The following ERBB4 variants were observed in gnomAD, a reference collection of about 807,000 sequenced individuals.
The protein encoded by ERBB4 is erb-b2 receptor tyrosine kinase 4.
A neutral mutation model predicts 158.0 loss-of-function variants in ERBB4; 42 were observed. The observed-to-expected ratio is 0.27, with a 90% confidence interval of 0.21 to 0.34. The LOEUF is 0.34. Among genes scored for constraint, ERBB4 ranks in the 10% least tolerant of loss-of-function variants. ERBB4 has a pLI of 1.00. For missense variants in ERBB4, 1,333 were observed against 1,624.1 expected, an observed-to-expected ratio of 0.82 and a Z score of 3.08; for synonymous variants, 583 against 558.7, an observed-to-expected ratio of 1.04 and a Z score of -0.61.
At position 211,458,908 on chromosome 2, in the gene ERBB4, A is replaced by G. The variant is rs552926949; in HGVS notation, c.2488-27808T>C. On this transcript the variant is annotated intron_variant, in intron 20 of 27. Coordinates refer to ENST00000342788, the MANE Select transcript of ERBB4 (RefSeq NM_005235.3). ...TGCAGCTCTTTAAGAAAGGTGTAAA[A>G]AAATGGTATTGATTCAACCAAATGC... is the stretch of plus-strand genomic sequence containing the variant. Among the ~76,000 whole-genome samples, 647 of 152,322 alleles carry G rather than the reference A, an allele frequency of 4.2e-3. 2 individuals carry two copies. The highest frequency in any genetic ancestry group is 0.014 in the African/African-American group (599 of 41,564).
chr2:211,898,413 C>T (rs1490540908), intron 3 of ERBB4, among the ~76,000 whole-genome samples: 1 of 152,046 alleles, frequency 6.6e-6, no homozygotes, highest in East Asian at 1.9e-4. Flanking sequence ...GAGTTCATTT[C>T]CACAAATGAT....
intron 2 of ERBB4, among the ~76,000 whole-genome samples, chr2:212,099,902 T>G (rs1480715774): frequency 6.6e-6 from 1 of 151,812 alleles, no homozygotes; most frequent in Non-Finnish European, 1.5e-5. Context: ...GCATACTAAT[T>G]CCATTTTAAA....
chr2:212,193,280 C>A (rs1247103931), intron 1 of ERBB4, among the ~76,000 whole-genome samples: 1 of 152,078 alleles, frequency 6.6e-6, no homozygotes, highest in Non-Finnish European at 1.5e-5. Flanking sequence ...TTTTCCATTT[C>A]AGCAGAAATT....
chr2:211,499,206 G>A (rs928844438), intron 20 of ERBB4, among the ~76,000 whole-genome samples: 4 of 152,010 alleles, frequency 2.6e-5, no homozygotes, highest in African/African-American at 7.2e-5. Flanking sequence ...TTTTATAGAT[G>A]TGCTGCCCAT....
intron 1 of ERBB4, among the ~76,000 whole-genome samples, chr2:212,252,819 G>T (rs1041048774): frequency 6.6e-6 from 1 of 152,038 alleles, no homozygotes; most frequent in African/African-American, 2.4e-5. Flanking sequence ...TGTGATGGCA[G>T]AAGCTTCTAT....
chr2:211,478,354 C>T (rs1484146140), intron 20 of ERBB4, among the ~76,000 whole-genome samples: 1 of 152,102 alleles, frequency 6.6e-6, no homozygotes, highest in Non-Finnish European at 1.5e-5. Flanking sequence ...AGTTTAATGT[C>T]TCTATATTCA....
intron 1 of ERBB4, among the ~76,000 whole-genome samples, chr2:212,356,734 T>C (rs1392642752): frequency 6.6e-6 from 1 of 151,456 alleles, no homozygotes; most frequent in African/African-American, 2.4e-5. Context: ...AAAAAAACAT[T>C]CCTTGATAAA....
chr2:212,038,224 A>G (rs1261773740), intron 2 of ERBB4, among the ~76,000 whole-genome samples: 1 of 152,030 alleles, frequency 6.6e-6, no homozygotes, highest in African/African-American at 2.4e-5. Flanking sequence ...AAAATTCATT[A>G]TCCTAGAATA....
chr2:212,217,499 A>G (rs1178286206), intron 1 of ERBB4, among the ~76,000 whole-genome samples: 5 of 151,304 alleles, frequency 3.3e-5, no homozygotes, highest in African/African-American at 4.8e-5. Context: ...TTTGAAGGAG[A>G]CATGGAGAGA....
At chr2:211,792,566 G>T (rs2076299106) in intron 3 of ERBB4, among the ~76,000 whole-genome samples, 1 of 151,684 alleles carries the variant, frequency 6.6e-6, no homozygotes, top group African/African-American at 2.4e-5. Context: ...GGTAAATAAT[G>T]ACGATCTTTA....
intron 1 of ERBB4, among the ~76,000 whole-genome samples, chr2:212,451,984 C>T (rs971073166): frequency 6.7e-6 from 1 of 150,288 alleles, no homozygotes; most frequent in Non-Finnish European, 1.5e-5. Context: ...CTCTTTCCTA[C>T]ATTGCATGGC....
chr2:212,057,562 G>A (rs2077620260), intron 2 of ERBB4, among the ~76,000 whole-genome samples: 1 of 152,132 alleles, frequency 6.6e-6, no homozygotes, highest in Non-Finnish European at 1.5e-5. Flanking sequence ...TAAAAGAACA[G>A]AAATTATAAC....
At chr2:212,512,569 C>G (rs1289543483) in intron 1 of ERBB4, among the ~76,000 whole-genome samples, 2 of 152,218 alleles carry the variant, frequency 1.3e-5, no homozygotes, top group Middle Eastern at 6.8e-3. Context: ...AAGCCCAATA[C>G]CTTTCTGAGA....
At chr2:211,476,781 TC>T (rs1469694049) in intron 20 of ERBB4, among the ~76,000 whole-genome samples, 1 of 152,030 alleles carries the variant, frequency 6.6e-6, no homozygotes, top group Non-Finnish European at 1.5e-5. Context: ...TGCCTCTAGA[TC>T]CAACTAGTAG....
intron 3 of ERBB4, among the ~76,000 whole-genome samples, chr2:211,935,919 T>C (rs543024051): frequency 3.9e-5 from 6 of 152,190 alleles, no homozygotes; most frequent in Admixed American, 6.6e-5. Flanking sequence ...TTATTAACAA[T>C]AGTATCTCTA....
At chr2:211,783,495 G>C (rs2076083786) in intron 4 of ERBB4, among the ~76,000 whole-genome samples, 1 of 152,180 alleles carries the variant, frequency 6.6e-6, no homozygotes, top group South Asian at 2.1e-4. Flanking sequence ...TATGATATTG[G>C]CTGTGGGTTT....
chr2:212,308,617 C>T (rs2086903553), intron 1 of ERBB4, among the ~76,000 whole-genome samples: 1 of 149,428 alleles, frequency 6.7e-6, no homozygotes, highest in Admixed American at 6.6e-5. Flanking sequence ...TTGCCCTCAA[C>T]ATCTTTTCCC....
intron 1 of ERBB4, among the ~76,000 whole-genome samples, chr2:212,290,779 T>TA (rs1192863994): frequency 6.6e-6 from 1 of 151,676 alleles, no homozygotes; most frequent in Non-Finnish European, 1.5e-5. Context: ...CTGTTCAATG[T>TA]AAAAAAACAA....
intron 1 of ERBB4, among the ~76,000 whole-genome samples, chr2:212,510,680 C>T (rs2106277043): frequency 6.6e-6 from 1 of 152,066 alleles, no homozygotes; most frequent in African/African-American, 2.4e-5. Flanking sequence ...AAAATTTGTA[C>T]ATTATACTTA....
Sources: allele counts gnomAD v4.1 joint callset (sites outside exome capture counted in the v4.1 genomes callset), GRCh38; gene constraint gnomAD v4.1.1; transcripts MANE v1.5; gene names NCBI Gene and HGNC (gene_info 2026-07-23, HGNC 2026-07-21).